The following SUMF1 variants were observed in gnomAD, a reference collection of about 807,000 sequenced individuals.
SUMF1 encodes the protein formylglycine-generating enzyme.
SUMF1 carries 48 observed loss-of-function variants against 47.6 expected under a neutral mutation model. That is an observed-to-expected ratio of 1.01 (90% CI 0.80 to 1.28). The LOEUF is 1.28. Ranked by LOEUF, SUMF1 falls within the 50% of genes most tolerant of loss-of-function variation. SUMF1 has a pLI of 0.00. For missense variants in SUMF1, 571 were observed against 485.4 expected (o/e 1.18, Z -1.66); for synonymous variants, 230 against 192.1 (o/e 1.20, Z -1.63).
chr3:4,142,430 C>A (rs1328734729), intron 8 of SUMF1, among the ~76,000 whole-genome samples: 1 of 152,078 alleles, frequency 6.6e-6, no homozygotes, highest in Admixed American at 6.6e-5. Flanking sequence ...GGAATAGTGT[C>A]TTTTATTTCT....
chr3:4,249,859 C>T (rs1337497197), intron 8 of SUMF1, among the ~76,000 whole-genome samples: 1 of 152,124 alleles, frequency 6.6e-6, no homozygotes, highest in Non-Finnish European at 1.5e-5. Context: ...AGTGCTCCTC[C>T]AGTCAACACA....
At chr3:4,424,476 G>C (rs542910195) in intron 3 of SUMF1, among the ~76,000 whole-genome samples, 1 of 152,150 alleles carries the variant, frequency 6.6e-6, no homozygotes, top group African/African-American at 2.4e-5. Flanking sequence ...AGGACACCAC[G>C]ACAACACTAT....
chr3:4,330,582 T>A (rs990641357), intron 8 of SUMF1, among the ~76,000 whole-genome samples: 1 of 152,188 alleles, frequency 6.6e-6, no homozygotes, highest in Non-Finnish European at 1.5e-5. Context: ...TTTCTCCACT[T>A]GGCCCCGCCC....
At chr3:4,236,456 TA>T (rs1354715593) in intron 8 of SUMF1, among the ~76,000 whole-genome samples, 1 of 151,982 alleles carries the variant, frequency 6.6e-6, no homozygotes, top group South Asian at 2.1e-4. Context: ...AATACATTTT[TA>T]AAAAAATAGA....
chr3:4,178,699 G>T (rs1008613129), intron 8 of SUMF1, among the ~76,000 whole-genome samples: 1 of 152,082 alleles, frequency 6.6e-6, no homozygotes, highest in Non-Finnish European at 1.5e-5. Context: ...AGGGCAATCA[G>T]GCAAGAGAAA....
At chr3:4,336,569 C>G (rs1699157601) in intron 8 of SUMF1, among the ~76,000 whole-genome samples, 1 of 152,040 alleles carries the variant, frequency 6.6e-6, no homozygotes, top group Admixed American at 6.6e-5. Context: ...TTTGAGGTCC[C>G]GATAGTCTAC....
intron 8 of SUMF1, among the ~76,000 whole-genome samples, chr3:4,326,075 G>A (rs1698938680): frequency 6.6e-6 from 1 of 152,092 alleles, no homozygotes. Context: ...TCCCACTTTG[G>A]CCTCCCAAAG....
chr3:4,239,459 G>C (rs771119249), intron 8 of SUMF1, among the ~76,000 whole-genome samples: 41 of 152,088 alleles, frequency 2.7e-4, no homozygotes, highest in Non-Finnish European at 1.0e-4. Flanking sequence ...TTGAGCAGTG[G>C]TTTGCAGTTC....
chr3:4,065,077 T>C (rs1019526716), intron 9 of SUMF1, among the ~76,000 whole-genome samples: 6 of 152,184 alleles, frequency 3.9e-5, no homozygotes, highest in African/African-American at 1.2e-4. Flanking sequence ...ATTTATGGTA[T>C]GTAAAGTTCT....
intron 8 of SUMF1, among the ~76,000 whole-genome samples, chr3:4,137,686 A>G (rs1693972846): frequency 6.6e-6 from 1 of 152,122 alleles, no homozygotes; most frequent in African/African-American, 2.4e-5. Flanking sequence ...GGAATCTACA[A>G]AAATTCCACA....
intron 8 of SUMF1, among the ~76,000 whole-genome samples, chr3:4,100,623 T>A (rs1228245785): frequency 6.6e-6 from 1 of 152,012 alleles, no homozygotes. Context: ...GGGCAATGAT[T>A]TCTTGGAGAT....
intron 8 of SUMF1, among the ~76,000 whole-genome samples, chr3:4,234,946 T>C (rs1361791467): frequency 6.6e-6 from 1 of 152,176 alleles, no homozygotes; most frequent in Non-Finnish European, 1.5e-5. Context: ...CACATATCCA[T>C]ATATGTATAA....
rs60032522 is a variant in SUMF1, at chr3:4,121,245, A to C, written c.1015-52500T>G. Among the ~76,000 whole-genome samples the C allele has an allele frequency of 9.4e-3, 1,433 of 152,258 alleles. 22 individuals are homozygous for C. The highest frequency in any genetic ancestry group is 0.033 in the African/African-American group (1,362 of 41,538). On this transcript the variant is annotated intron_variant and NMD_transcript_variant, in intron 8 of 12. Transcript: ENST00000448413. ...ATATCCCCAGTTTCAAAAAGAACAT[A>C]ATTTTTAACAATAAAACAACTGAGT...
At chr3:4,334,303 T>C (rs543759237) in intron 8 of SUMF1, among the ~76,000 whole-genome samples, 1 of 152,216 alleles carries the variant, frequency 6.6e-6, no homozygotes, top group African/African-American at 2.4e-5. Flanking sequence ...GACAAACGGT[T>C]GATTTTTTTG....
chr3:4,313,709 T>G (rs778335794), intron 8 of SUMF1: 1 of 1,614,024 alleles, frequency 6.2e-7, no homozygotes, highest in South Asian at 1.1e-5. Context: ...GAACCCAGCA[T>G]GTGTGGCTCA....
chr3:4,376,410 C>CTATGT, intron 7 of SUMF1, 21 bp from the exon 8 acceptor site: 1 of 1,613,768 alleles, frequency 6.2e-7, no homozygotes, highest in South Asian at 1.1e-5. Context: ...AGAAAAAAGG[C>CTATGT]TATGTTAGAC....
intron 8 of SUMF1, among the ~76,000 whole-genome samples, chr3:4,076,156 G>A (rs942694224): frequency 6.6e-6 from 1 of 151,988 alleles, no homozygotes; most frequent in Non-Finnish European, 1.5e-5. Flanking sequence ...TAGACCAATG[G>A]AACAGAACAG....
chr3:4,174,820 A>G (rs1442225599), intron 8 of SUMF1, among the ~76,000 whole-genome samples: 2 of 151,866 alleles, frequency 1.3e-5, no homozygotes, highest in African/African-American at 4.8e-5. Context: ...AAAAAGGGAC[A>G]CTCCCACTCA....
At chr3:4,102,036 C>T (rs1693045422) in intron 8 of SUMF1, among the ~76,000 whole-genome samples, 1 of 152,112 alleles carries the variant, frequency 6.6e-6, no homozygotes, top group Admixed American at 6.6e-5. Context: ...AGAACTCACT[C>T]ACTACCAAGA....
Sources: gnomAD v4.1 joint callset for allele counts (sites outside exome capture counted in the v4.1 genomes callset) on GRCh38, gnomAD v4.1.1 for gene constraint, MANE v1.5 for transcripts, NCBI Gene and HGNC (gene_info 2026-07-23, HGNC 2026-07-21) for gene names.